Variants in KNTC1 observed in about 807,000 individuals in gnomAD.
KNTC1 encodes the protein kinetochore associated 1, also known as kinetochore-associated protein 1.
In KNTC1, 253 loss-of-function variants were observed where a neutral mutation model predicts 314.4. That is an observed-to-expected ratio of 0.80 (90% CI 0.73 to 0.89). KNTC1 has a LOEUF of 0.89. Ranked by LOEUF, KNTC1 falls within the 40% of genes least tolerant of loss-of-function variation. The pLI is 0.00. For missense variants in KNTC1, 2,475 were observed against 2,572.9 expected, an observed-to-expected ratio of 0.96 and a Z score of 0.82; for synonymous variants, 901 against 901.4, an observed-to-expected ratio of 1.00 and a Z score of 0.01.
chr12:122,556,791 A>G (rs1963629794), intron 16 of KNTC1, among the ~76,000 whole-genome samples: 1 of 150,562 alleles, frequency 6.6e-6, no homozygotes, highest in Non-Finnish European at 1.5e-5. Flanking sequence ...GAGTTTGACT[A>G]TTTTAAGATT....
At chr12:122,545,186 A>T (rs935496733) in intron 8 of KNTC1, among the ~76,000 whole-genome samples, 1 of 152,234 alleles carries the variant, frequency 6.6e-6, no homozygotes, top group South Asian at 2.1e-4. Flanking sequence ...TTCAAAGAAT[A>T]GGCAGAAACT....
At chr12:122,590,498 G>T in intron 40 of KNTC1, 109 bp from the exon 41 acceptor site, 9 of 1,086,606 alleles carry the variant, frequency 8.3e-6, no homozygotes, top group South Asian at 4.1e-5. Flanking sequence ...TTTTTTTTAA[G>T]TATAAATTAA....
chr12:122,531,048 CT>C (rs879544737), intron 2 of KNTC1, among the ~76,000 whole-genome samples: 8,108 of 142,192 alleles, frequency 0.057, 663 homozygotes, highest in African/African-American at 0.19. Flanking sequence ...GTATTTAATT[CT>C]TTTTTTTTTT....
chr12:122,573,253 C>T lies in KNTC1; in HGVS notation c.2251C>T (p.Gln751Ter), dbSNP rs770450706. 6.2e-7 allele frequency: 1 copy of T among 1,613,758 alleles called. No individual in the cohort carries two copies. The highest frequency in any genetic ancestry group is 8.5e-7 in the Non-Finnish European group (1 of 1,179,798). Residue 751 changes from glutamine to a stop codon, truncating the protein, a stop_gained, in exon 26 of 64, where the codon CAA (glutamine) becomes TAA (stop). Transcript: ENST00000333479. LOFTEE classifies it high-confidence loss of function. The stretch of plus-strand genomic sequence containing the variant: ...AGTTTACATGAGAGAACATGACTTG[C>T]AAGAGGAGGAACTTCTCTTGCTGTA... Reference protein sequence around the residue: ...IRVYMREHDLQEEELLLLYIE... With the variant: ...IRVYMREHDL
chr12:122,621,229 A>G (rs1874396852), intron 60 of KNTC1, among the ~76,000 whole-genome samples: 1 of 152,228 alleles, frequency 6.6e-6, no homozygotes, highest in Admixed American at 6.5e-5. Flanking sequence ...CATTTCCTTT[A>G]TAATAGAGAA....
At chr12:122,562,889 A>G (rs574683103) in intron 20 of KNTC1, among the ~76,000 whole-genome samples, 190 bp downstream of exon 20, 22 of 151,934 alleles carry the variant, frequency 1.4e-4, no homozygotes, top group African/African-American at 2.2e-4. Context: ...TGCATCTGTA[A>G]TCTCAGCTAC....
intron 3 of KNTC1, among the ~76,000 whole-genome samples, chr12:122,536,751 C>T (rs1961871301): frequency 6.6e-6 from 1 of 152,158 alleles, no homozygotes; most frequent in South Asian, 2.1e-4. Context: ...TTCCTGACCT[C>T]AAATGATCCA....
At chr12:122,576,692 C>T (rs373799213) in intron 29 of KNTC1, among the ~76,000 whole-genome samples, 1 of 151,842 alleles carries the variant, frequency 6.6e-6, no homozygotes, top group African/African-American at 2.4e-5. Context: ...AAAAAAGACA[C>T]CAAATAGTAA....
chr12:122,544,402 T>C (rs1593501439), intron 8 of KNTC1, 133 bp downstream of exon 8: 8 of 534,728 alleles, frequency 1.5e-5, no homozygotes, highest in Non-Finnish European at 2.3e-5. Context: ...TTAAGGTAAT[T>C]AAAAATAACT....
Position 122,594,267 on chromosome 12 carries a change from T to TAAAA in KNTC1, c.4246-8_4246-7insAAAA. Reference sequence around the variant, plus strand: ...TTTTTTTGCTTTGTTTTTTTCTTTTTATTTCTAGATTTCTTTTCAACCAGT... The same window carrying TAAAA: ...TTTTTTTGCTTTGTTTTTTTCTTTTTAAAAATTTCTAGATTTCTTTTCAACCAGT... On this transcript the variant is annotated splice_polypyrimidine_tract_variant and intron_variant, in intron 42 of 63. Coordinates refer to ENST00000333479, the MANE Select transcript of KNTC1 (RefSeq NM_014708.6). 1 of 1,521,454 alleles carries TAAAA rather than the reference T, an allele frequency of 6.6e-7. No homozygotes were observed. Among genetic ancestry groups the TAAAA allele is most frequent in the Non-Finnish European group, 9.1e-7 (1 of 1,099,534 alleles). 94.2% of individuals were successfully genotyped at this position (1,521,454 alleles called of 1,614,324 possible). A position where few individuals can be genotyped will look rare whatever the true frequency, so the allele number is the denominator to read the frequency against.
At chr12:122,548,923 G>A (rs1316089564) in intron 12 of KNTC1, among the ~76,000 whole-genome samples, 1 of 152,010 alleles carries the variant, frequency 6.6e-6, no homozygotes, top group African/African-American at 2.4e-5. Flanking sequence ...AGCTGAGAGT[G>A]CACCAGTGTA....
intron 32 of KNTC1, among the ~76,000 whole-genome samples, 177 bp downstream of exon 32, chr12:122,580,154 A>G (rs1235818091): frequency 2.0e-5 from 3 of 152,202 alleles, no homozygotes; most frequent in African/African-American, 7.2e-5. Flanking sequence ...TCAGCAATTC[A>G]AGAACAGATG....
In KNTC1 at chr12:122,584,453, G is replaced by T; in HGVS notation, c.3436+3G>T. On this transcript the variant is annotated splice_donor_region_variant and intron_variant, in intron 35 of 63. Coordinates refer to ENST00000333479, the MANE Select transcript of KNTC1 (RefSeq NM_014708.6). ...AGCTGCCACCATTTGCAGTCCAGGT[G>T]ACAATATTTATAATATACGTAGTTT... 1 of 1,596,030 alleles carries T rather than the reference G, an allele frequency of 6.3e-7. No homozygotes were observed. Among genetic ancestry groups the T allele is most frequent in the South Asian group, 1.1e-5 (1 of 88,856 alleles).
Position 122,585,222 on chromosome 12 carries a change from T to G in KNTC1, c.3534+232T>G, listed in dbSNP as rs894792912. On this transcript the variant is annotated intron_variant, in intron 36 of 63. Transcript: ENST00000333479. ...ACTAATTAAAAAAAAATTTTTTTTT[T>G]GCAGAGACAGGGTCTCACCATCTTG... Among the ~76,000 whole-genome samples, 14 of 152,038 alleles carry G rather than the reference T, an allele frequency of 9.2e-5. 1 individual carries two copies. Among genetic ancestry groups the G allele is most frequent in the East Asian group, 1.9e-4 (1 of 5,192 alleles).
chr12:122,592,857 T>C (rs1870472416), intron 42 of KNTC1: 1 of 152,298 alleles, frequency 6.6e-6, no homozygotes, highest in South Asian at 2.1e-4. Flanking sequence ...CTTTGTTCTT[T>C]AGCTGTTTGC....
chr12:122,531,768 C>G (rs1392389575), intron 2 of KNTC1, among the ~76,000 whole-genome samples: 1 of 152,042 alleles, frequency 6.6e-6, no homozygotes, highest in African/African-American at 2.4e-5. Context: ...GAGTCTTGCT[C>G]TGTCGCCCAG....
chr12:122,528,024 G>T (rs1186287970), intron 1 of KNTC1, among the ~76,000 whole-genome samples: 1 of 152,126 alleles, frequency 6.6e-6, no homozygotes, highest in East Asian at 1.9e-4. Flanking sequence ...ATTTTTGTCC[G>T]TTTTTCCCGC....
chr12:122,550,981 T>C (rs143994884), intron 13 of KNTC1, among the ~76,000 whole-genome samples: 1 of 152,362 alleles, frequency 6.6e-6, no homozygotes, highest in African/African-American at 2.4e-5. Flanking sequence ...AAGAGGCTCA[T>C]GGTATCCATT....
intron 50 of KNTC1, 89 bp from the exon 51 acceptor site, chr12:122,605,217 G>A (rs532044817): frequency 1.4e-5 from 15 of 1,044,082 alleles, no homozygotes; most frequent in Admixed American, 4.6e-5. Flanking sequence ...ATATGTGTAT[G>A]TATGTGCATA....
Sources: allele counts gnomAD v4.1 joint callset (sites outside exome capture counted in the v4.1 genomes callset), GRCh38; gene constraint gnomAD v4.1.1; transcripts MANE v1.5; gene names NCBI Gene and HGNC (gene_info 2026-07-23, HGNC 2026-07-21).